The following CALCR variants were observed in gnomAD, a reference collection of about 807,000 sequenced individuals.
CALCR encodes calcitonin receptor.
A neutral mutation model predicts 59.5 loss-of-function variants in CALCR; 47 were observed. The ratio of observed to expected loss-of-function variants is 0.79; its 90% CI spans 0.63 to 1.01. The LOEUF is 1.01. Among genes scored for constraint, CALCR ranks in the 50% least tolerant of loss-of-function variants. The probability of loss-of-function intolerance (pLI) is 0.00; values close to 1 mark genes in which losing one functional copy is unlikely to be tolerated. For missense variants in CALCR, 566 were observed against 597.1 expected (o/e 0.95, Z 0.54); for synonymous variants, 213 against 211.3 (o/e 1.01, Z -0.07).
rs532222022 is a variant in CALCR at position 93,474,847 on chromosome 7, G to A, written c.317-2360C>T. 1.5e-4 allele frequency among the ~76,000 whole-genome samples: 23 copies of A among 151,850 alleles called. No individual in the cohort carries two copies. In the East Asian group the frequency reaches 2.1e-3, roughly 14 times the overall value. ...TAACAAAGGCAAAGCATTGTTGTAC[G>A]TATAGATAATGCTTTTATAGATGGC... On this transcript the variant is annotated intron_variant, in intron 5 of 13. Transcript: ENST00000426151.
chr7:93,552,585 G>A (rs562126242), intron 2 of CALCR, among the ~76,000 whole-genome samples: 6 of 152,196 alleles, frequency 3.9e-5, no homozygotes, highest in African/African-American at 1.4e-4. Flanking sequence ...CTAGAGTATG[G>A]CTGAATCCGG....
intron 5 of CALCR, among the ~76,000 whole-genome samples, chr7:93,473,094 T>A (rs1210008584): frequency 1.3e-5 from 2 of 151,762 alleles, no homozygotes; most frequent in Non-Finnish European, 2.9e-5. Context: ...TCTCTCTTCA[T>A]CCCACAGAAA....
chr7:93,516,675 A>G (rs17165533), intron 2 of CALCR, among the ~76,000 whole-genome samples: 4,065 of 151,990 alleles, frequency 0.027, 202 homozygotes, highest in African/African-American at 0.092. Context: ...GAAGTATGTT[A>G]CATGTATATA....
At chr7:93,426,652 C>G in intron 13 of CALCR, 63 bp from the exon 14 acceptor site, 1 of 836,676 alleles carries the variant, frequency 1.2e-6, no homozygotes, top group Non-Finnish European at 1.9e-6. Flanking sequence ...GCAAAGTGTA[C>G]GAACATCGTT....
chr7:93,479,485 G>T lies in CALCR; in HGVS notation c.74C>A (p.Ala25Asp), dbSNP rs1299632839. Residue 25 changes from alanine to aspartate, a missense_variant, in exon 4 of 14, where the codon GCC becomes GAC. Physicochemically the swap from Ala to Asp is moderately radical, Grantham distance 126. Transcript: ENST00000426151. ...TGTTGGATAGGTTTGATTTGAAAAG[G>T]CAGGAAGAATTGGGGTTGGGTGCTG... is the stretch of plus-strand genomic sequence containing the variant. Reference protein sequence around the residue: ...LLNHPTPILPAFSNQTYPTIE... With the variant: ...LLNHPTPILPDFSNQTYPTIE... 3 of 1,612,206 alleles carry T rather than the reference G, an allele frequency of 1.9e-6. No homozygotes were observed. Among genetic ancestry groups the T allele is most frequent in the Non-Finnish European group, 2.5e-6 (3 of 1,178,972 alleles).
At chr7:93,472,294 G>A (rs1366784447) in intron 6 of CALCR, 81 bp downstream of exon 6, 3 of 785,106 alleles carry the variant, frequency 3.8e-6, no homozygotes, top group Non-Finnish European at 6.3e-6. Flanking sequence ...CTTTGTGGCA[G>A]ATATTTTACA....
At chr7:93,567,523 T>C (rs2077210678) in intron 2 of CALCR, among the ~76,000 whole-genome samples, 1 of 151,458 alleles carries the variant, frequency 6.6e-6, no homozygotes, top group African/African-American at 2.4e-5. Context: ...GCCTGAAAAA[T>C]TTATCTATGC....
intron 13 of CALCR, 48 bp from the exon 14 acceptor site, chr7:93,426,637 TC>T (rs768328340): frequency 2.0e-6 from 2 of 977,510 alleles, no homozygotes; most frequent in Non-Finnish European, 3.2e-6. Flanking sequence ...TCAGAAATGA[TC>T]CATGCAAAGT....
intron 13 of CALCR, among the ~76,000 whole-genome samples, chr7:93,433,739 T>A (rs1233385528): frequency 1.3e-5 from 2 of 152,228 alleles, no homozygotes; most frequent in Non-Finnish European, 2.9e-5. Context: ...ATCAGCCATA[T>A]GGCTCTCTAG....
intron 2 of CALCR, among the ~76,000 whole-genome samples, chr7:93,508,035 A>C (rs1221355763): frequency 6.6e-6 from 1 of 152,210 alleles, no homozygotes; most frequent in East Asian, 1.9e-4. Flanking sequence ...TGAAACCTAG[A>C]ATTTCTGATT....
chr7:93,556,678 T>TA lies in CALCR; in HGVS notation c.-27+17610_-27+17611insT, dbSNP rs967066705. Among the ~76,000 whole-genome samples, 116 of 142,050 alleles carry TA rather than the reference T, an allele frequency of 8.2e-4. 1 individual carries two copies. The highest frequency in any genetic ancestry group is 3.4e-3 in the African/African-American group (110 of 32,012). The allele number at this position is 142,050 out of a possible 152,430, so 93.2% of individuals were successfully genotyped here. ...GATCTTTTTTATCTATATATATATA[T>TA]TTTTTCCTGAAACTTTCTTTTTACT... is the stretch of plus-strand genomic sequence containing the variant. On this transcript the variant is annotated intron_variant, in intron 2 of 13. Coordinates refer to ENST00000426151, the MANE Select transcript of CALCR (RefSeq NM_001742.4).
intron 2 of CALCR, among the ~76,000 whole-genome samples, chr7:93,498,553 A>C (rs1801258815): frequency 6.6e-6 from 1 of 151,668 alleles, no homozygotes; most frequent in African/African-American, 2.4e-5. Flanking sequence ...ATTCAAATCA[A>C]TTTAATTAAA....
chr7:93,510,273 G>T (rs1801516345), intron 2 of CALCR, among the ~76,000 whole-genome samples: 2 of 152,132 alleles, frequency 1.3e-5, no homozygotes, highest in Non-Finnish European at 2.9e-5. Context: ...CTGGTTCAGA[G>T]TAACATCAGG....
In CALCR at chr7:93,475,970, C is replaced by T. The variant is rs941406884; in HGVS notation, c.316+1588G>A. ...CATGAAAAGTACAATGTGCTTCTCT[C>T]ACTCCAGATTCACGCAGGGGAACTA... On this transcript the variant is annotated intron_variant, in intron 5 of 13. Coordinates refer to ENST00000426151, the MANE Select transcript of CALCR (RefSeq NM_001742.4). 7.9e-5 allele frequency among the ~76,000 whole-genome samples: 12 copies of T among 151,938 alleles called. No homozygotes were observed. In the South Asian group the frequency reaches 2.5e-3, roughly 31 times the overall value.
At chr7:93,529,388 C>T (rs1788772476) in intron 2 of CALCR, among the ~76,000 whole-genome samples, 1 of 152,136 alleles carries the variant, frequency 6.6e-6, no homozygotes, top group Admixed American at 6.6e-5. Context: ...AAGCAGGAGC[C>T]ACCATGCTTC....
intron 2 of CALCR, among the ~76,000 whole-genome samples, chr7:93,526,552 A>G (rs1265269777): frequency 6.6e-6 from 1 of 152,132 alleles, no homozygotes; most frequent in African/African-American, 2.4e-5. Context: ...AGAATTGTAT[A>G]TGGGTTACTT....
At chr7:93,455,112 T>C (rs1160460487) in intron 8 of CALCR, among the ~76,000 whole-genome samples, 2 of 152,002 alleles carry the variant, frequency 1.3e-5, no homozygotes, top group African/African-American at 2.4e-5. Flanking sequence ...TCAGTGACCC[T>C]GAATTGGTCC....
chr7:93,554,216 A>T (rs867349673), intron 2 of CALCR, among the ~76,000 whole-genome samples: 1 of 152,192 alleles, frequency 6.6e-6, no homozygotes, highest in African/African-American at 2.4e-5. Context: ...TTAATAAGCC[A>T]TCATGAAAAT....
chr7:93,517,958 G>T (rs1466335197), intron 2 of CALCR, among the ~76,000 whole-genome samples: 2 of 151,814 alleles, frequency 1.3e-5, no homozygotes, highest in Non-Finnish European at 1.5e-5. Context: ...TTAATAAATG[G>T]CACTGGAACA....
Sources: allele counts gnomAD v4.1 joint callset (sites outside exome capture counted in the v4.1 genomes callset), GRCh38; gene constraint gnomAD v4.1.1; transcripts MANE v1.5; gene names NCBI Gene and HGNC (gene_info 2026-07-23, HGNC 2026-07-21).